SACM1L: variants seen among roughly 807,000 people sequenced by gnomAD.
SACM1L encodes phosphatidylinositol-3-phosphatase SAC1.
A neutral mutation model predicts 89.5 loss-of-function variants in SACM1L; 32 were observed. The observed-to-expected ratio is 0.36, with a 90% CI of 0.27 to 0.48. The LOEUF is 0.48. Among genes scored for constraint, SACM1L ranks in the 20% least tolerant of loss-of-function variants. The pLI, the probability that SACM1L is intolerant of heterozygous loss-of-function variation, is 0.99. For missense variants in SACM1L, 543 were observed against 708.5 expected (o/e 0.77, Z 2.65); for synonymous variants, 213 against 232.8 (o/e 0.92, Z 0.77).
At chr3:45,698,857 C>G (rs1299129360) in intron 1 of SACM1L, among the ~76,000 whole-genome samples, 1 of 152,098 alleles carries the variant, frequency 6.6e-6, no homozygotes, top group Non-Finnish European at 1.5e-5. Context: ...ACCTCCACCT[C>G]CTGGGTTCAA....
At chr3:45,689,858 A>G (rs1021527618) in intron 1 of SACM1L, 4 of 354,794 alleles carry the variant, frequency 1.1e-5, no homozygotes, top group African/African-American at 2.1e-5. Context: ...ATGACTTAAC[A>G]GAGAAAAAGA....
chr3:45,702,786 C>G (rs1315981540), intron 1 of SACM1L, among the ~76,000 whole-genome samples: 1 of 152,056 alleles, frequency 6.6e-6, no homozygotes, highest in Non-Finnish European at 1.5e-5. Context: ...TCTCTCTCAA[C>G]CGTGTTTCTA....
In SACM1L at chr3:45,739,538, C is replaced by G. The variant is rs756267350; in HGVS notation, c.1570-49C>G. 3 of 1,560,260 alleles carry G rather than the reference C, an allele frequency of 1.9e-6. No individual in the cohort carries two copies. The East Asian group carries it at 6.7e-5, about 35-fold the overall frequency. ...ATGCATGCACAACTGATTTTGCTGC[C>G]ATTGATTAGCATTCTTAAATGATGA... On this transcript the variant is annotated intron_variant, in intron 18 of 19. Transcript: ENST00000389061.
chr3:45,693,844 C>T (rs1377849353), intron 1 of SACM1L, among the ~76,000 whole-genome samples: 1 of 152,100 alleles, frequency 6.6e-6, no homozygotes, highest in African/African-American at 2.4e-5. Flanking sequence ...TTTAAACTTC[C>T]AGGCAGTTCT....
Position 45,743,633 on chromosome 3 carries a change from T to A in SACM1L, c.1728T>A (p.Asp576Glu), listed in dbSNP as rs1055890481. ...IILYNGKDFV[D>E]APRLVQKEKI... The stretch of plus-strand genomic sequence containing the variant: ...TTTACAATGGCAAAGATTTTGTCGA[T>A]GCTCCCAGACTGGTCCAGAAAGAAA... Residue 576 changes from aspartate to glutamate, a missense_variant, in exon 20 of 20, where the codon GAT becomes GAA. Asp to Glu is a conservative substitution (Grantham distance 45). Transcript: ENST00000389061. 1.2e-6 allele frequency: 2 copies of A among 1,614,034 alleles called. No homozygotes were observed. The highest frequency in any genetic ancestry group is 1.3e-5 in the African/African-American group (1 of 74,948).
chr3:45,730,344 A>C (rs1699018981), intron 11 of SACM1L, among the ~76,000 whole-genome samples: 1 of 104,362 alleles, frequency 9.6e-6, no homozygotes, highest in Non-Finnish European at 2.0e-5. Flanking sequence ...AGACTCTGCT[A>C]ATCCATTTTT....
At chr3:45,692,056 T>C (rs1698005915) in intron 1 of SACM1L, among the ~76,000 whole-genome samples, 1 of 152,222 alleles carries the variant, frequency 6.6e-6, no homozygotes, top group African/African-American at 2.4e-5. Context: ...CATCCCCTTC[T>C]AGCTTCAAAC....
At chr3:45,726,269 T>A (rs1011279758) in intron 11 of SACM1L, among the ~76,000 whole-genome samples, 1 of 152,154 alleles carries the variant, frequency 6.6e-6, no homozygotes, top group Non-Finnish European at 1.5e-5. Flanking sequence ...GGAAGACTGG[T>A]GTTAATTCTC....
In SACM1L at chr3:45,725,526, T is replaced by C. The variant is rs148963356; in HGVS notation, c.921+1983T>C. Among the ~76,000 whole-genome samples the C allele has an allele frequency of 4.6e-5, 7 of 152,264 alleles. No homozygotes were observed. In the East Asian group the frequency reaches 1.3e-3, roughly 29 times the overall value. ...ATATTTCATTGTTAGTATATAGAAA[T>C]GCAACTGATTATTGTGTCTTGATTT... On this transcript the variant is annotated intron_variant, in intron 11 of 19. Transcript: ENST00000389061.
chr3:45,697,269 C>CTTTTTTTTTTTTTTTTTTTTTT (rs869095037), intron 1 of SACM1L, among the ~76,000 whole-genome samples: 2 of 92,092 alleles, frequency 2.2e-5, no homozygotes, highest in Admixed American at 1.4e-4. Context: ...TTTTCTTTTC[C>CTTTTTTTTTTTTTTTTTTTTTT]TTTTTTTTTT....
At chr3:45,709,469 G>A in intron 4 of SACM1L, 29 bp from the exon 5 acceptor site, 1 of 1,566,092 alleles carries the variant, frequency 6.4e-7, no homozygotes. Context: ...TTTCAATTAT[G>A]AGCTATACTG....
chr3:45,708,476 A>C (rs964272769), intron 4 of SACM1L, among the ~76,000 whole-genome samples: 7 of 152,138 alleles, frequency 4.6e-5, no homozygotes, highest in Admixed American at 3.3e-4. Context: ...TTATTCTAAA[A>C]CATATAACTT....
chr3:45,723,333 A>G, intron 10 of SACM1L, 142 bp from the exon 11 acceptor site: 1 of 348,174 alleles, frequency 2.9e-6, no homozygotes, highest in Non-Finnish European at 5.1e-6. Context: ...GCTAGAAGGC[A>G]TAGTTCACAT....
chr3:45,702,749 T>G (rs2125685507), intron 1 of SACM1L, among the ~76,000 whole-genome samples: 1 of 152,354 alleles, frequency 6.6e-6, no homozygotes, highest in Non-Finnish European at 1.5e-5. Flanking sequence ...TAGACTCTAA[T>G]TACAAAGTTG....
intron 11 of SACM1L, among the ~76,000 whole-genome samples, chr3:45,725,838 A>C (rs1227764965): frequency 1.3e-5 from 2 of 152,056 alleles, no homozygotes; most frequent in African/African-American, 4.8e-5. Context: ...TGGGTTTTTC[A>C]CATAATGGCC....
At chr3:45,696,852 A>G (rs1698139412) in intron 1 of SACM1L, among the ~76,000 whole-genome samples, 1 of 152,226 alleles carries the variant, frequency 6.6e-6, no homozygotes, top group Non-Finnish European at 1.5e-5. Flanking sequence ...GAAAGAAAAT[A>G]AAAATATTTG....
intron 11 of SACM1L, 83 bp from the exon 12 acceptor site, chr3:45,731,218 G>A: frequency 7.3e-6 from 6 of 826,186 alleles, no homozygotes; most frequent in Non-Finnish European, 1.2e-5. Flanking sequence ...TGAGAGCTTA[G>A]AGCTTCCTAG....
At chr3:45,725,036 G>A (rs1181793629) in intron 11 of SACM1L, among the ~76,000 whole-genome samples, 1 of 152,076 alleles carries the variant, frequency 6.6e-6, no homozygotes, top group East Asian at 1.9e-4. Context: ...CTATTCCATT[G>A]GTCTCCGTGT....
intron 7 of SACM1L, 58 bp downstream of exon 7, chr3:45,714,137 T>C: frequency 9.1e-7 from 1 of 1,100,052 alleles, no homozygotes; most frequent in South Asian, 1.8e-5. Context: ...AATTTTATTA[T>C]AAGGCAGATT....
Sources: allele counts gnomAD v4.1 joint callset (sites outside exome capture counted in the v4.1 genomes callset), GRCh38; gene constraint gnomAD v4.1.1; transcripts MANE v1.5; gene names NCBI Gene and HGNC (gene_info 2026-07-23, HGNC 2026-07-21).